Variants in AP2A1 observed in about 807,000 individuals in gnomAD.
AP2A1 encodes the protein AP-2 complex subunit alpha-1.
Under a neutral mutation model 107.3 loss-of-function variants are expected in AP2A1, and 21 were observed. That is an observed-to-expected ratio of 0.20 (90% CI 0.14 to 0.28). The LOEUF (loss-of-function observed/expected upper bound fraction) is 0.28, where lower values mean the gene tolerates loss of function less well. AP2A1 is among the 10% of genes least tolerant of loss of function. The pLI, the probability that AP2A1 is intolerant of heterozygous loss-of-function variation, is 1.00. For synonymous variants in AP2A1, 602 were observed against 564.8 expected (o/e 1.07, Z -0.93); for missense variants, 873 against 1,307.7 (o/e 0.67, Z 5.13).
chr19:49,791,876 G>T (rs767550469), intron 4 of AP2A1, 59 bp from the exon 5 acceptor site: 216 of 1,533,420 alleles, frequency 1.4e-4, no homozygotes, highest in Middle Eastern at 1.9e-4. Context: ...GAGGAGGGGA[G>T]GTGTGCAGGG....
In AP2A1 at chr19:49,783,554, T is replaced by C. The variant is rs558816253; in HGVS notation, c.473+830T>C. Among the ~76,000 whole-genome samples the C allele has an allele frequency of 1.7e-3, 265 of 152,202 alleles. 1 individual carries two copies. The highest frequency in any genetic ancestry group is 3.0e-3 in the Non-Finnish European group (202 of 68,010). On this transcript the variant is annotated intron_variant, in intron 4 of 22. Transcript: ENST00000354293. ...TCTCCCTGAAACCTAACTGTCAATA[T>C]TGGATAAAAGAGGAAAGACAATATT... is the stretch of plus-strand genomic sequence containing the variant.
chr19:49,792,180 C>T (rs1451702216), intron 5 of AP2A1, 116 bp downstream of exon 5: 9 of 1,137,104 alleles, frequency 7.9e-6, no homozygotes, highest in Non-Finnish European at 9.9e-6. Flanking sequence ...CCAGGGCTCC[C>T]ACCTCAGCCC....
chr19:49,803,631 T>C, intron 18 of AP2A1: 1 of 519,302 alleles, frequency 1.9e-6, no homozygotes, highest in African/African-American at 1.9e-5. Context: ...TTTGTCCCTG[T>C]CTGGCACCTT....
rs115067249 is a variant in AP2A1, at chr19:49,798,338, C to T, written c.815-464C>T. On this transcript the variant is annotated intron_variant, in intron 7 of 22. Transcript: ENST00000354293. The stretch of plus-strand genomic sequence containing the variant: ...ATGGCACCGAGTGTGCCTGCAGTGG[C>T]CTCTTGCTGAATGGACACTTGGGTG... 3.9e-3 allele frequency among the ~76,000 whole-genome samples: 594 copies of T among 152,226 alleles called. 3 individuals carry two copies. The highest frequency in any genetic ancestry group is 0.013 in the African/African-American group (555 of 41,532).
At chr19:49,779,140 T>C (rs1459684102) in intron 1 of AP2A1, among the ~76,000 whole-genome samples, 1 of 151,594 alleles carries the variant, frequency 6.6e-6, no homozygotes, top group Non-Finnish European at 1.5e-5. Flanking sequence ...ATTGAGACCA[T>C]GCTGGCTAAC....
chr19:49,799,233 T>C (rs1437184563), intron 8 of AP2A1, 94 bp from the exon 9 acceptor site: 20 of 1,418,034 alleles, frequency 1.4e-5, no homozygotes, highest in East Asian at 2.4e-5. Flanking sequence ...CCTGGATCCT[T>C]GGGGGCTGTG....
intron 4 of AP2A1, among the ~76,000 whole-genome samples, chr19:49,786,409 G>A (rs1285344514): frequency 3.3e-5 from 5 of 152,240 alleles, no homozygotes; most frequent in Admixed American, 6.5e-5. Context: ...GCGGCGTTGC[G>A]GGTGTCTCTC....
intron 1 of AP2A1, among the ~76,000 whole-genome samples, chr19:49,775,088 C>T (rs1430661776): frequency 6.6e-6 from 1 of 151,564 alleles, no homozygotes; most frequent in Non-Finnish European, 1.5e-5. Context: ...ATTAGCCACG[C>T]ATGGTGGCAT....
At chr19:49,782,461 G>A in intron 3 of AP2A1, 70 bp from the exon 4 acceptor site, 2 of 1,502,766 alleles carry the variant, frequency 1.3e-6, no homozygotes, top group Non-Finnish European at 1.8e-6. Flanking sequence ...TGGACTCCTG[G>A]GTCTGAGGGT....
At chr19:49,802,297 G>A (rs1350948181) in intron 15 of AP2A1, 156 bp downstream of exon 15, 1 of 829,874 alleles carries the variant, frequency 1.2e-6, no homozygotes, top group African/African-American at 1.8e-5. Context: ...TGCCTCCCCT[G>A]CCCCAGCCTC....
intron 11 of AP2A1, among the ~76,000 whole-genome samples, chr19:49,800,354 A>AGGGCAT (rs1324213555): frequency 1.3e-5 from 2 of 152,128 alleles, no homozygotes; most frequent in South Asian, 2.1e-4. Flanking sequence ...AGGAGTCCCC[A>AGGGCAT]GGGCATGGGC....
rs1439910087 is a variant in AP2A1 at position 49,807,078 on chromosome 19, G to C, written c.*320G>C. On this transcript the variant is annotated 3_prime_UTR_variant, in exon 23 of 23. Coordinates refer to ENST00000354293, the MANE Select transcript of AP2A1 (RefSeq NM_130787.3). ...TACCCCCTCCCCATCCAGGGGCTGT[G>C]TATTATTGTGAGCGAATAAACAGAG... 71 of 1,597,450 alleles carry C rather than the reference G, an allele frequency of 4.4e-5. No individual in the cohort carries two copies. The highest frequency in any genetic ancestry group is 6.0e-5 in the Non-Finnish European group (70 of 1,175,488).
chr19:49,771,415 A>G (rs961823857), intron 1 of AP2A1, among the ~76,000 whole-genome samples: 2 of 149,492 alleles, frequency 1.3e-5, no homozygotes, highest in African/African-American at 2.5e-5. Flanking sequence ...AAAAGGGTCA[A>G]TTTTATGGTA....
intron 15 of AP2A1, chr19:49,802,441 C>G (rs1568588274): frequency 2.4e-6 from 3 of 1,255,558 alleles, no homozygotes; most frequent in South Asian, 1.3e-5. Context: ...GTCCCTCCCT[C>G]TCTGTCTCTC....
intron 13 of AP2A1, 44 bp from the exon 14 acceptor site, chr19:49,801,678 C>A: frequency 6.5e-7 from 1 of 1,531,880 alleles, no homozygotes; most frequent in Non-Finnish European, 8.8e-7. Flanking sequence ...CCGCCCTCCC[C>A]TCCTCCTGAC....
At chr19:49,768,826 A>G (rs1055602917) in intron 1 of AP2A1, among the ~76,000 whole-genome samples, 1 of 152,204 alleles carries the variant, frequency 6.6e-6, no homozygotes, top group African/African-American at 2.4e-5. Flanking sequence ...CTTGTCTGCA[A>G]ACTTCATTCA....
chr19:49,799,791 G>A (rs770655556), intron 10 of AP2A1, 25 bp downstream of exon 10: 1 of 1,608,196 alleles, frequency 6.2e-7, no homozygotes, highest in Non-Finnish European at 8.5e-7. Flanking sequence ...GTGCGGGCTG[G>A]ACTCTTGGGT....
At chr19:49,803,558 G>A (rs2073320714) in intron 18 of AP2A1, 182 bp downstream of exon 18, 1 of 627,254 alleles carries the variant, frequency 1.6e-6, no homozygotes, top group Non-Finnish European at 2.8e-6. Flanking sequence ...CAGGACAGGG[G>A]ATGACAGTGA....
chr19:49,782,415 G>T, intron 3 of AP2A1, 116 bp from the exon 4 acceptor site: 1 of 1,175,172 alleles, frequency 8.5e-7, no homozygotes, highest in Non-Finnish European at 1.2e-6. Context: ...GGGCCTGGGG[G>T]CCTGGACTCC....
Sources: allele counts gnomAD v4.1 joint callset (sites outside exome capture counted in the v4.1 genomes callset), GRCh38; gene constraint gnomAD v4.1.1; transcripts MANE v1.5; gene names NCBI Gene and HGNC (gene_info 2026-07-23, HGNC 2026-07-21).